The following ELMO1 variants were observed in gnomAD, a reference collection of about 807,000 sequenced individuals.
The protein encoded by ELMO1 is engulfment and cell motility protein 1.
A neutral mutation model predicts 98.9 loss-of-function variants in ELMO1; 26 were observed. The observed-to-expected ratio is 0.26, with a 90% CI of 0.19 to 0.36. The LOEUF is 0.36. Among genes scored for constraint, ELMO1 ranks in the 10% least tolerant of loss-of-function variants. ELMO1 has a pLI of 1.00. For missense variants in ELMO1, 627 were observed against 935.2 expected (o/e 0.67, Z 4.30); for synonymous variants, 346 against 346.0 (o/e 1.00, Z 0.00).
intron 14 of ELMO1, among the ~76,000 whole-genome samples, chr7:37,098,594 C>T (rs569342247): frequency 8.5e-5 from 13 of 152,118 alleles, no homozygotes; most frequent in South Asian, 2.1e-4. Flanking sequence ...GTGGGCTGGC[C>T]TCCCCAAAAC....
intron 1 of ELMO1, among the ~76,000 whole-genome samples, chr7:37,389,204 C>G (rs1181096212): frequency 1.3e-5 from 2 of 152,186 alleles, no homozygotes; most frequent in Non-Finnish European, 2.9e-5. Context: ...TGTACCTTGT[C>G]ACTTTAATTC....
chr7:36,857,522 C>G (rs1802296639), intron 21 of ELMO1, among the ~76,000 whole-genome samples: 1 of 152,122 alleles, frequency 6.6e-6, no homozygotes, highest in African/African-American at 2.4e-5. Context: ...GGCTAGCTTC[C>G]TAGTATAGAT....
At chr7:37,283,667 C>T (rs1022736293) in intron 4 of ELMO1, among the ~76,000 whole-genome samples, 12 of 152,230 alleles carry the variant, frequency 7.9e-5, no homozygotes, top group Non-Finnish European at 1.6e-4. Context: ...TTGGGATCCA[C>T]CATTATGATT....
intron 14 of ELMO1, among the ~76,000 whole-genome samples, chr7:37,131,416 T>C (rs1786910694): frequency 1.3e-5 from 2 of 152,190 alleles, no homozygotes; most frequent in Non-Finnish European, 2.9e-5. Flanking sequence ...AAAGAACACA[T>C]TGAGGAAAAC....
intron 13 of ELMO1, among the ~76,000 whole-genome samples, chr7:37,162,859 C>G (rs1030217372): frequency 1.3e-5 from 2 of 152,134 alleles, no homozygotes; most frequent in Non-Finnish European, 2.9e-5. Context: ...CACTAGACAT[C>G]TACTGCCAAA....
intron 1 of ELMO1, among the ~76,000 whole-genome samples, chr7:37,425,188 G>C (rs1027340336): frequency 2.0e-5 from 3 of 152,138 alleles, no homozygotes; most frequent in Non-Finnish European, 4.4e-5. Context: ...TGTGAGATCA[G>C]GGTGCCAGCA....
chr7:37,373,717 T>C (rs1422487359), intron 1 of ELMO1, among the ~76,000 whole-genome samples: 1 of 152,216 alleles, frequency 6.6e-6, no homozygotes, highest in Non-Finnish European at 1.5e-5. Context: ...AAACGCTTAA[T>C]GGCTGTGCAA....
intron 4 of ELMO1, among the ~76,000 whole-genome samples, chr7:37,285,499 G>A (rs989054621): frequency 5.3e-5 from 8 of 152,194 alleles, no homozygotes; most frequent in African/African-American, 1.9e-4. Context: ...TCGAAGTGCT[G>A]CTATGAAAGA....
At chr7:37,217,497 C>T (rs1388163574) in intron 10 of ELMO1, among the ~76,000 whole-genome samples, 3 of 136,932 alleles carry the variant, frequency 2.2e-5, no homozygotes, top group Non-Finnish European at 4.7e-5. Flanking sequence ...TTTGGTGTTG[C>T]TACTCTTACT....
intron 1 of ELMO1, among the ~76,000 whole-genome samples, chr7:37,399,860 T>C (rs1243849496): frequency 1.3e-5 from 2 of 152,290 alleles, no homozygotes; most frequent in Admixed American, 6.5e-5. Flanking sequence ...ATAAACCTCC[T>C]TCTCCCAGGA....
chr7:36,978,246 A>G (rs1207746936), intron 16 of ELMO1, among the ~76,000 whole-genome samples: 1 of 151,932 alleles, frequency 6.6e-6, no homozygotes, highest in Non-Finnish European at 1.5e-5. Context: ...GCCCAGAGGT[A>G]GAGCCCCAGG....
At chr7:37,235,148 G>A (rs753728682) in intron 7 of ELMO1, among the ~76,000 whole-genome samples, 1 of 152,204 alleles carries the variant, frequency 6.6e-6, no homozygotes, top group Non-Finnish European at 1.5e-5. Flanking sequence ...GGGTTGAAGA[G>A]AGTATTGAGT....
chr7:37,384,699 G>A (rs1420764608), intron 1 of ELMO1, among the ~76,000 whole-genome samples: 4 of 149,028 alleles, frequency 2.7e-5, no homozygotes, highest in South Asian at 2.1e-4. Context: ...CGGCCTGGGC[G>A]AAAGAGCAAG....
At chr7:37,053,100 C>T (rs1463019463) in intron 15 of ELMO1, among the ~76,000 whole-genome samples, 2 of 152,096 alleles carry the variant, frequency 1.3e-5, no homozygotes, top group Non-Finnish European at 2.9e-5. Context: ...GGACAAAACA[C>T]ATTTAAAAAA....
chr7:37,009,994 T>G (rs1793433745), intron 16 of ELMO1, among the ~76,000 whole-genome samples: 1 of 152,230 alleles, frequency 6.6e-6, no homozygotes, highest in Non-Finnish European at 1.5e-5. Context: ...AGCAGAACAG[T>G]GGCTGATAGA....
At chr7:37,101,936 T>C (rs1421795571) in intron 14 of ELMO1, among the ~76,000 whole-genome samples, 3 of 152,144 alleles carry the variant, frequency 2.0e-5, no homozygotes, top group Non-Finnish European at 2.9e-5. Flanking sequence ...CATAGGGCAA[T>C]TGTCCTCAGA....
intron 13 of ELMO1, among the ~76,000 whole-genome samples, chr7:37,158,426 T>C (rs1788952818): frequency 1.3e-5 from 2 of 151,874 alleles, no homozygotes; most frequent in Non-Finnish European, 2.9e-5. Context: ...AGGACTAATA[T>C]CCAGAATTGA....
intron 5 of ELMO1, among the ~76,000 whole-genome samples, chr7:37,262,094 C>T (rs1274076868): frequency 6.6e-6 from 1 of 152,168 alleles, no homozygotes; most frequent in Non-Finnish European, 1.5e-5. Context: ...TATACCTACT[C>T]TTATTAATAT....
At chr7:37,139,880 T>G (rs566883226) in intron 13 of ELMO1, among the ~76,000 whole-genome samples, 3 of 152,062 alleles carry the variant, frequency 2.0e-5, no homozygotes, top group African/African-American at 7.2e-5. Context: ...CATAGACCAA[T>G]AGAATAGAAT....
Sources: gnomAD v4.1 joint callset for allele counts (sites outside exome capture counted in the v4.1 genomes callset) on GRCh38, gnomAD v4.1.1 for gene constraint, MANE v1.5 for transcripts, NCBI Gene and HGNC (gene_info 2026-07-23, HGNC 2026-07-21) for gene names.